The following KY variants were observed in gnomAD, a reference collection of about 807,000 sequenced individuals.
KY encodes kyphoscoliosis peptidase.
A neutral mutation model predicts 76.1 loss-of-function variants in KY; 43 were observed. That is an observed-to-expected ratio of 0.57 (90% CI 0.44 to 0.73). KY has a LOEUF of 0.73. Ranked by LOEUF, KY falls within the 30% of genes least tolerant of loss-of-function variation. KY has a pLI of 0.00. For synonymous variants in KY, 277 were observed against 326.2 expected, an observed-to-expected ratio of 0.85 and a Z score of 1.63; for missense variants, 722 against 828.9, an observed-to-expected ratio of 0.87 and a Z score of 1.58.
intron 1 of KY, 63 bp from the exon 2 acceptor site, chr3:134,647,560 C>T (rs553332385): frequency 1.7e-5 from 17 of 982,556 alleles, no homozygotes; most frequent in Non-Finnish European, 2.6e-5. Flanking sequence ...GTACCAGTTG[C>T]AGACTTATCT....
intron 10 of KY, among the ~76,000 whole-genome samples, chr3:134,605,896 C>T (rs1026369960): frequency 1.3e-5 from 2 of 152,218 alleles, no homozygotes; most frequent in African/African-American, 2.4e-5. Flanking sequence ...AACTCCAATG[C>T]CATTGCTTCC....
At chr3:134,606,234 C>T (rs1959196095) in intron 10 of KY, among the ~76,000 whole-genome samples, 3 of 152,140 alleles carry the variant, frequency 2.0e-5, no homozygotes, top group Admixed American at 2.0e-4. Flanking sequence ...GATTGTGGAG[C>T]ACCACCCAGC....
At chr3:134,640,686 T>G (rs1965634752) in intron 3 of KY, among the ~76,000 whole-genome samples, 1 of 152,156 alleles carries the variant, frequency 6.6e-6, no homozygotes, top group Non-Finnish European at 1.5e-5. Context: ...GGCACCAACC[T>G]CAACAAAGCC....
intron 3 of KY, among the ~76,000 whole-genome samples, chr3:134,636,093 T>C (rs972382166): frequency 2.6e-5 from 4 of 152,246 alleles, no homozygotes; most frequent in Non-Finnish European, 5.9e-5. Context: ...CTCAGATACA[T>C]ACATCTTTGT....
In KY at chr3:134,608,725, G is replaced by C; in HGVS notation, c.1014C>G (p.Asn338Lys). Residue 338 changes from asparagine to lysine, a missense_variant, in exon 10 of 11, where the codon AAC becomes AAG. By Grantham distance (94) the Asn-to-Lys change is moderately conservative. Coordinates refer to ENST00000423778, the MANE Select transcript of KY (RefSeq NM_178554.6). ...KPPQSLRQFE[N>K]NMYHKSEFYN... ...AGAATTCACTCTTGTGATACATGTT[G>C]TTCTCAAACTGCCTCAGAGATTGAG... The C allele has an allele frequency of 1.2e-6, 2 of 1,614,044 alleles. No individual in the cohort carries two copies. Among genetic ancestry groups the C allele is most frequent in the Non-Finnish European group, 1.7e-6 (2 of 1,179,914 alleles).
At chr3:134,608,498 T>C (rs1443283623) in intron 10 of KY, 151 bp downstream of exon 10, 1 of 1,554,052 alleles carries the variant, frequency 6.4e-7, no homozygotes, top group Admixed American at 1.9e-5. Context: ...CCTCCACTCA[T>C]CCACATGCAC....
At position 134,601,031 on chromosome 3, in the gene KY, T is replaced by A. The variant is rs1577554328; in HGVS notation, c.*2548A>T. The A allele has an allele frequency of 2.0e-5, 3 of 152,300 alleles. 1 individual carries two copies. Among genetic ancestry groups the A allele is most frequent in the African/African-American group, 7.2e-5 (3 of 41,558 alleles). The allele number at this position is 152,300 out of a possible 1,614,324, so 9.4% of individuals were successfully genotyped here. ...CACTTCGGACACCTGGGGGCGCCCG[T>A]GCCATTCCGCCGGCGACTGGGACTC... On this transcript the variant is annotated 3_prime_UTR_variant, in exon 11 of 11. Transcript: ENST00000423778.
Position 134,607,983 on chromosome 3 carries a change from C to T in KY, c.1090+666G>A, listed in dbSNP as rs1033071208. On this transcript the variant is annotated intron_variant, in intron 10 of 10. Transcript: ENST00000423778. ...CTGCCTAGAACATGTCCATCTCTGT[C>T]TAGCTACTAGGCCTGTTCTCCTCTC... 1.8e-5 allele frequency: 18 copies of T among 1,018,942 alleles called. No homozygotes were observed. In the African/African-American group the frequency reaches 3.1e-4, roughly 18 times the overall value. The allele number at this position is 1,018,942 out of a possible 1,614,324, so 63.1% of individuals were successfully genotyped here.
chr3:134,608,387 C>T lies in KY; in HGVS notation c.1090+262G>A, dbSNP rs923688436. The T allele has an allele frequency of 4.9e-6, 7 of 1,427,642 alleles. No homozygotes were observed. In the African/African-American group the frequency reaches 8.5e-5, roughly 17 times the overall value. The allele number at this position is 1,427,642 out of a possible 1,614,324, so 88.4% of individuals were successfully genotyped here. On this transcript the variant is annotated intron_variant, in intron 10 of 10. Transcript: ENST00000423778. ...TTCTAGGAAACCTGCAGCCTTCAGA[C>T]ACATCCCTTTCTGGGTTTATGCTAG... is the stretch of plus-strand genomic sequence containing the variant.
In KY at chr3:134,650,969, C is replaced by T. The variant is rs1966883866; in HGVS notation, c.-9G>A. On this transcript the variant is annotated 5_prime_UTR_variant, in exon 1 of 11. Coordinates refer to ENST00000423778, the MANE Select transcript of KY (RefSeq NM_178554.6). ...TCCTTCTTCAGCTCCATGATGCCGC[C>T]TCCTTTCCGACCTGGGCGCCGCGGC... The T allele has an allele frequency of 6.2e-7, 1 of 1,612,944 alleles. No individual in the cohort carries two copies. The highest frequency in any genetic ancestry group is 8.5e-7 in the Non-Finnish European group (1 of 1,179,418).
intron 5 of KY, 31 bp from the exon 6 acceptor site, chr3:134,625,166 T>A (rs756994725): frequency 1.3e-6 from 2 of 1,553,682 alleles, no homozygotes; most frequent in Non-Finnish European, 8.8e-7. Flanking sequence ...GGTCAGCAGC[T>A]GAGACCCACT....
chr3:134,625,277 C>G (rs1027106232), intron 5 of KY, 142 bp from the exon 6 acceptor site: 2 of 707,342 alleles, frequency 2.8e-6, no homozygotes, highest in Non-Finnish European at 4.9e-6. Flanking sequence ...AGCCTAAGAG[C>G]TATATGGGAA....
intron 3 of KY, among the ~76,000 whole-genome samples, chr3:134,636,102 G>T (rs1360414079): frequency 1.3e-5 from 2 of 152,132 alleles, no homozygotes; most frequent in African/African-American, 2.4e-5. Flanking sequence ...ATACATCTTT[G>T]TATGTATGTA....
chr3:134,630,791 T>C (rs1964107494), intron 3 of KY, among the ~76,000 whole-genome samples: 1 of 152,024 alleles, frequency 6.6e-6, no homozygotes. Flanking sequence ...AAGGAAAAGA[T>C]AACCAACAGA....
chr3:134,612,708 A>G (rs1960709717), intron 8 of KY, among the ~76,000 whole-genome samples: 2 of 150,614 alleles, frequency 1.3e-5, no homozygotes, highest in Admixed American at 6.6e-5. Flanking sequence ...TGAACTGACA[A>G]CAGCATGTCA....
chr3:134,636,126 A>G (rs1964933856), intron 3 of KY, among the ~76,000 whole-genome samples: 2 of 152,214 alleles, frequency 1.3e-5, no homozygotes. Flanking sequence ...TGATTTGCAC[A>G]CTTTGCAAAT....
intron 10 of KY, among the ~76,000 whole-genome samples, chr3:134,606,844 G>A (rs764103246): frequency 2.5e-4 from 38 of 150,978 alleles, no homozygotes; most frequent in Admixed American, 5.3e-4. Flanking sequence ...TCCCCTCCAC[G>A]GCACTCTCCT....
chr3:134,644,962 G>A (rs530300776), intron 2 of KY, among the ~76,000 whole-genome samples: 23 of 152,386 alleles, frequency 1.5e-4, no homozygotes, highest in African/African-American at 5.3e-4. Flanking sequence ...AGGAAAGGGA[G>A]GCCAGGACCG....
At chr3:134,643,169 A>T (rs1965975797) in intron 3 of KY, 147 bp downstream of exon 3, 2 of 646,804 alleles carry the variant, frequency 3.1e-6, no homozygotes, top group East Asian at 5.5e-5. Flanking sequence ...ACGCAGGGAG[A>T]GGAAAAGGGT....
Sources: allele counts gnomAD v4.1 joint callset (sites outside exome capture counted in the v4.1 genomes callset), GRCh38; gene constraint gnomAD v4.1.1; transcripts MANE v1.5; gene names NCBI Gene and HGNC (gene_info 2026-07-23, HGNC 2026-07-21).